HYCC1: variants seen among roughly 807,000 people sequenced by gnomAD.
HYCC1 encodes hyccin PI4KA lipid kinase complex subunit 1, also known as hyccin.
chr7:22,952,427 A>G, the HYCC1 span, among the ~76,000 whole-genome samples: 2 of 151,978 alleles, frequency 1.3e-5, no homozygotes, highest in Non-Finnish European at 2.9e-5. Flanking sequence ...AATACTCCAA[A>G]TAACTAGACA....
chr7:22,977,268 A>G, the HYCC1 span: 25 of 959,666 alleles, frequency 2.6e-5, no homozygotes, highest in South Asian at 3.1e-4. Flanking sequence ...TTTTTCCTAA[A>G]TAACTAGATT....
chr7:22,922,328 G>C, the HYCC1 span, among the ~76,000 whole-genome samples: 2 of 152,172 alleles, frequency 1.3e-5, no homozygotes, highest in Non-Finnish European at 2.9e-5. Flanking sequence ...ATTTACGATA[G>C]GGTTATGTCC....
the HYCC1 span, chr7:22,939,107 C>T: frequency 1.3e-5 from 2 of 152,148 alleles, no homozygotes; most frequent in East Asian, 1.9e-4. Flanking sequence ...ACATTATATT[C>T]CACTATATGT....
chr7:22,963,616 C>CTCTG, the HYCC1 span, among the ~76,000 whole-genome samples: 6 of 152,128 alleles, frequency 3.9e-5, no homozygotes, highest in Admixed American at 6.5e-5. Context: ...TCTTAATGGG[C>CTCTG]CAGACAATAA....
At chr7:22,924,629 T>C in the HYCC1 span, among the ~76,000 whole-genome samples, 2 of 152,082 alleles carry the variant, frequency 1.3e-5, no homozygotes, top group Non-Finnish European at 2.9e-5. Flanking sequence ...GCAGCAAGGC[T>C]GGGGGAGGGG....
the HYCC1 span, among the ~76,000 whole-genome samples, chr7:22,996,639 C>A: frequency 6.9e-6 from 1 of 145,512 alleles, no homozygotes. Context: ...TTCCATTAGC[C>A]CTGGGCTTCA....
the HYCC1 span, chr7:22,943,969 G>A: frequency 6.6e-5 from 10 of 152,156 alleles, no homozygotes; most frequent in Admixed American, 3.9e-4. Context: ...TGAAGAACTC[G>A]GTTTAAACTG....
chr7:22,947,710 C>A, the HYCC1 span, among the ~76,000 whole-genome samples: 2 of 147,010 alleles, frequency 1.4e-5, no homozygotes, highest in Non-Finnish European at 3.0e-5. Context: ...CCAAGCCACA[C>A]AGAAGTTCCC....
chr7:22,902,858 T>A, the HYCC1 span, among the ~76,000 whole-genome samples: 1 of 152,236 alleles, frequency 6.6e-6, no homozygotes, highest in African/African-American at 2.4e-5. Flanking sequence ...GAGATAAACA[T>A]AGTTTCTTAG....
chr7:22,943,711 A>C, the HYCC1 span: 6 of 152,658 alleles, frequency 3.9e-5, no homozygotes, highest in Non-Finnish European at 8.8e-5. Flanking sequence ...TCATTGTTAA[A>C]GAATGACAAA....
At chr7:23,006,995 A>G in the HYCC1 span, among the ~76,000 whole-genome samples, 1 of 152,196 alleles carries the variant, frequency 6.6e-6, no homozygotes, top group Non-Finnish European at 1.5e-5. Context: ...TTGATCTTGA[A>G]CACTCAACGA....
the HYCC1 span, among the ~76,000 whole-genome samples, chr7:22,912,884 G>C: frequency 6.6e-6 from 1 of 152,186 alleles, no homozygotes; most frequent in Non-Finnish European, 1.5e-5. Context: ...TGTAATCCCA[G>C]CACTTTGGGA....
the HYCC1 span, among the ~76,000 whole-genome samples, chr7:23,001,200 C>T: frequency 1.3e-5 from 2 of 152,052 alleles, no homozygotes; most frequent in South Asian, 4.1e-4. Context: ...CTATGCTAAG[C>T]GATTTATTGG....
the HYCC1 span, chr7:23,013,998 C>G: frequency 2.1e-6 from 1 of 471,170 alleles, no homozygotes; most frequent in South Asian, 1.5e-5. Context: ...GGAGGCTGCT[C>G]TGCTTCCTCC....
At chr7:22,994,861 T>C in the HYCC1 span, among the ~76,000 whole-genome samples, 6 of 152,144 alleles carry the variant, frequency 3.9e-5, no homozygotes, top group Non-Finnish European at 5.9e-5. Flanking sequence ...GACACCTAGA[T>C]GACACTCATC....
chr7:22,978,169 G>A, the HYCC1 span: 1 of 1,133,934 alleles, frequency 8.8e-7, no homozygotes, highest in East Asian at 2.5e-5. Context: ...TTTGGTGTAT[G>A]AAAAAACAAA....
At chr7:22,998,549 G>A in the HYCC1 span, among the ~76,000 whole-genome samples, 92 of 152,112 alleles carry the variant, frequency 6.0e-4, no homozygotes, top group African/African-American at 2.2e-3. Context: ...GCAAATTTCA[G>A]TCCAGATACT....
the HYCC1 span, chr7:22,977,493 A>C: frequency 1.1e-6 from 1 of 888,284 alleles, no homozygotes. Context: ...AAATTTAAAT[A>C]GTCTAAAACA....
chr7:22,984,546 C>T, the HYCC1 span, among the ~76,000 whole-genome samples: 1 of 151,966 alleles, frequency 6.6e-6, no homozygotes. Context: ...ATAGTGAGAC[C>T]TCGTCTCTAC....
Sources: allele counts gnomAD v4.1 joint callset (sites outside exome capture counted in the v4.1 genomes callset), GRCh38; gene constraint gnomAD v4.1.1; transcripts MANE v1.5; gene names NCBI Gene and HGNC (gene_info 2026-07-23, HGNC 2026-07-21).